Variants in MPPED2 observed in about 807,000 individuals in gnomAD.
MPPED2 encodes the protein metallophosphoesterase domain containing 2.
A neutral mutation model predicts 33.0 loss-of-function variants in MPPED2; 5 were observed. The observed-to-expected ratio is 0.15, with a 90% confidence interval of 0.08 to 0.32. MPPED2 has a LOEUF of 0.32. Among genes scored for constraint, MPPED2 ranks in the 10% least tolerant of loss-of-function variants. The pLI is 1.00. For missense variants in MPPED2, 275 were observed against 372.1 expected, an observed-to-expected ratio of 0.74 and a Z score of 2.15; for synonymous variants, 136 against 141.9, an observed-to-expected ratio of 0.96 and a Z score of 0.29.
chr11:30,466,368 T>C (rs1565095692), intron 4 of MPPED2, among the ~76,000 whole-genome samples: 1 of 152,200 alleles, frequency 6.6e-6, no homozygotes, highest in Admixed American at 6.5e-5. Flanking sequence ...AGAAGAGGAA[T>C]GTGGATTTAG....
At chr11:30,437,651 C>A (rs1949381858) in intron 4 of MPPED2, among the ~76,000 whole-genome samples, 1 of 152,178 alleles carries the variant, frequency 6.6e-6, no homozygotes, top group African/African-American at 2.4e-5. Context: ...AACCTTCCCT[C>A]TTCATTTAAA....
chr11:30,438,614 A>G (rs138494152), intron 4 of MPPED2, among the ~76,000 whole-genome samples: 8 of 152,374 alleles, frequency 5.3e-5, no homozygotes, highest in African/African-American at 1.4e-4. Context: ...TTAAACCCAT[A>G]CATAACTGCA....
chr11:30,544,357 T>C (rs558208465), intron 2 of MPPED2, among the ~76,000 whole-genome samples: 1 of 152,352 alleles, frequency 6.6e-6, no homozygotes, highest in African/African-American at 2.4e-5. Context: ...TGTAATACTG[T>C]ACTGAGTGCC....
At chr11:30,558,869 T>C (rs999845460) in intron 2 of MPPED2, among the ~76,000 whole-genome samples, 2 of 152,036 alleles carry the variant, frequency 1.3e-5, no homozygotes, top group Admixed American at 6.6e-5. Context: ...TCTTTTCAAA[T>C]AGTCCACAAA....
At chr11:30,435,915 A>G (rs1447469299) in intron 4 of MPPED2, among the ~76,000 whole-genome samples, 1 of 152,202 alleles carries the variant, frequency 6.6e-6, no homozygotes, top group Non-Finnish European at 1.5e-5. Flanking sequence ...CATGCTCAGC[A>G]TAGCATAGGA....
intron 4 of MPPED2, among the ~76,000 whole-genome samples, chr11:30,422,807 C>T (rs951806387): frequency 2.0e-5 from 3 of 152,158 alleles, no homozygotes; most frequent in African/African-American, 7.2e-5. Context: ...GAGCCTGCAA[C>T]CTCTCCCCTT....
intron 3 of MPPED2, among the ~76,000 whole-genome samples, chr11:30,500,168 C>T (rs1214483674): frequency 6.6e-6 from 1 of 152,188 alleles, no homozygotes; most frequent in African/African-American, 2.4e-5. Context: ...TGACTAATAA[C>T]CTCCTAATGG....
At chr11:30,543,456 A>G (rs962187006) in intron 2 of MPPED2, among the ~76,000 whole-genome samples, 5 of 152,238 alleles carry the variant, frequency 3.3e-5, no homozygotes, top group Admixed American at 3.3e-4. Context: ...AAGTTCCATG[A>G]TTAGCCACAC....
intron 4 of MPPED2, among the ~76,000 whole-genome samples, chr11:30,490,926 C>G (rs16920802): frequency 3.9e-5 from 6 of 151,956 alleles, no homozygotes; most frequent in African/African-American, 1.2e-4. Context: ...TTTTGAGAAA[C>G]CTGTGAATCC....
At chr11:30,423,975 C>T (rs1301880860) in intron 4 of MPPED2, among the ~76,000 whole-genome samples, 1 of 152,174 alleles carries the variant, frequency 6.6e-6, no homozygotes, top group African/African-American at 2.4e-5. Flanking sequence ...TGGCTGATTA[C>T]TTATTAAAAG....
intron 4 of MPPED2, among the ~76,000 whole-genome samples, chr11:30,434,382 T>TAGGA (rs1949225144): frequency 6.6e-6 from 1 of 152,062 alleles, no homozygotes; most frequent in Non-Finnish European, 1.5e-5. Flanking sequence ...TCATCCACAA[T>TAGGA]AGCCCCTGAA....
chr11:30,406,329 T>A (rs555442660), downstream of MPPED2, among the ~76,000 whole-genome samples: 1 of 152,348 alleles, frequency 6.6e-6, no homozygotes, highest in East Asian at 1.9e-4. Context: ...AATCAGTTCA[T>A]GCTCAAAATG....
chr11:30,558,640 T>A (rs185088058), intron 2 of MPPED2, among the ~76,000 whole-genome samples: 2 of 151,972 alleles, frequency 1.3e-5, no homozygotes, highest in Non-Finnish European at 2.9e-5. Flanking sequence ...CAGGGTAGTC[T>A]CAAACTGCTG....
intron 4 of MPPED2, among the ~76,000 whole-genome samples, chr11:30,451,079 G>A (rs1479845210): frequency 6.6e-6 from 1 of 152,208 alleles, no homozygotes; most frequent in Admixed American, 6.5e-5. Flanking sequence ...GCTTCTTCAT[G>A]CTAGCGTCAC....
intron 4 of MPPED2, among the ~76,000 whole-genome samples, chr11:30,433,764 T>C (rs1949190809): frequency 6.6e-6 from 1 of 152,230 alleles, no homozygotes; most frequent in Non-Finnish European, 1.5e-5. Flanking sequence ...TTCGTTCACA[T>C]TTCAGAGGAA....
downstream of MPPED2, among the ~76,000 whole-genome samples, chr11:30,408,463 C>A (rs1380448237): frequency 2.0e-5 from 3 of 152,156 alleles, no homozygotes; most frequent in African/African-American, 7.2e-5. Context: ...AGGCATGTGC[C>A]ACCACGCCCA....
chr11:30,504,568 G>A (rs554418696), intron 3 of MPPED2, among the ~76,000 whole-genome samples: 2 of 152,144 alleles, frequency 1.3e-5, no homozygotes, highest in Non-Finnish European at 2.9e-5. Context: ...GGTACCCACT[G>A]CATACTCCAG....
intron 4 of MPPED2, among the ~76,000 whole-genome samples, chr11:30,447,622 A>G (rs1367242181): frequency 6.6e-6 from 1 of 152,194 alleles, no homozygotes; most frequent in Admixed American, 6.5e-5. Context: ...CTGGATATTG[A>G]TAGCTGATAA....
chr11:30,391,795 A>G (rs1947780181), intron 6 of MPPED2, among the ~76,000 whole-genome samples: 1 of 152,204 alleles, frequency 6.6e-6, no homozygotes, highest in Non-Finnish European at 1.5e-5. Context: ...AAATGGAAAA[A>G]TTCAACCTCC....
Sources: allele counts gnomAD v4.1 joint callset (sites outside exome capture counted in the v4.1 genomes callset), GRCh38; gene constraint gnomAD v4.1.1; transcripts MANE v1.5; gene names NCBI Gene and HGNC (gene_info 2026-07-23, HGNC 2026-07-21).